The following BCORL1 variants were observed in gnomAD, a reference collection of about 807,000 sequenced individuals.
The protein encoded by BCORL1 is BCL6 corepressor like 1.
Under a neutral mutation model 87.6 loss-of-function variants are expected in BCORL1, and 7 were observed. That is an observed-to-expected ratio of 0.08 (90% CI 0.05 to 0.15). BCORL1 has a LOEUF of 0.15. BCORL1 is among the 10% of genes least tolerant of loss of function. The pLI is 1.00. For missense variants in BCORL1, 1,215 were observed against 1,499.7 expected, an observed-to-expected ratio of 0.81 and a Z score of 3.13; for synonymous variants, 591 against 634.4, an observed-to-expected ratio of 0.93 and a Z score of 1.03.
chrX:129,982,322 G>T (rs918455624), upstream of BCORL1, among the ~76,000 whole-genome samples: 2 of 111,273 alleles, frequency 1.8e-5, no homozygotes, highest in Non-Finnish European at 3.8e-5. Flanking sequence ...AATCCGCTCG[G>T]TCCTCTCAGC....
At chrX:129,980,649 G>T (rs1569351928), upstream of BCORL1, among the ~76,000 whole-genome samples, 1 of 111,793 alleles carries the variant, frequency 8.9e-6, no homozygotes, top group Non-Finnish European at 1.9e-5. Flanking sequence ...CAAGGGCGGG[G>T]TGGGTGGCCG....
chrX:130,032,731 TTCTATTTATTTATTTATTTATTTA>T (rs1228601158), intron 8 of BCORL1, among the ~76,000 whole-genome samples: 1 of 100,914 alleles, frequency 9.9e-6, no homozygotes, highest in African/African-American at 3.5e-5. Flanking sequence ...CGAGAATCTC[TTCTATTTATTTATTTATTTATTTA>T]TTTATTTATT....
chrX:130,042,306 G>C (rs1931382127), intron 11 of BCORL1, among the ~76,000 whole-genome samples: 1 of 110,583 alleles, frequency 9.0e-6, no homozygotes, highest in African/African-American at 3.3e-5. Context: ...TGTTGCCCAG[G>C]CTGGTCTGGA....
intron 9 of BCORL1, among the ~76,000 whole-genome samples, chrX:130,036,264 T>TC (rs1930934700): frequency 9.5e-6 from 1 of 105,710 alleles, no homozygotes; most frequent in African/African-American, 3.4e-5. Flanking sequence ...GGATTATCCT[T>TC]TTTTTTTTTT....
At chrX:130,012,869 G>A (rs1006596638) in intron 3 of BCORL1, 81 bp from the exon 4 acceptor site, 1 of 1,138,736 alleles carries the variant, frequency 8.8e-7, no homozygotes. Context: ...GAGAAGACCA[G>A]CAGTTGCCTC....
chrX:129,996,899 ATG>A (rs1927607587), intron 1 of BCORL1, among the ~76,000 whole-genome samples: 1 of 111,692 alleles, frequency 9.0e-6, no homozygotes, highest in East Asian at 2.8e-4. Context: ...GGTTATGGAC[ATG>A]AGCCCATGCC....
rs145654461 is a variant in BCORL1, at chrX:130,005,244, G to A, written c.13G>A (p.Ala5Thr). Reference sequence around the variant, plus strand: ...GTGAGTGGCTGTCATGATCTCTACAGCACCGCTCTACAGCGGCGTGCACAA... The same window carrying A: ...GTGAGTGGCTGTCATGATCTCTACAACACCGCTCTACAGCGGCGTGCACAA... MIST[A>T]PLYSGVHNWT... Residue 5 changes from alanine to threonine, a missense_variant, in exon 2 of 14, where the codon GCA (alanine) becomes ACA (threonine). Ala to Thr is a moderately conservative substitution (Grantham distance 58). Transcript: ENST00000540052. 2.5e-6 allele frequency: 3 copies of A among 1,209,840 alleles called. No individual in the cohort carries two copies. In the African/African-American group the frequency reaches 5.2e-5, roughly 21 times the overall value.
At position 130,025,176 on chromosome X, in the gene BCORL1, G is replaced by A. The variant is rs375086367; in HGVS notation, c.3875G>A (p.Arg1292Gln). ...AQDKSLLSQG[R>Q]RHLWRAREMP... is the part of the protein sequence containing the mutation. ...GACAAGTCTCTGCTGAGCCAGGGCC[G>A]AAGGCACCTGTGGCGAGCCCGAGAA... The change falls in exon 7 of 14, where the codon CGA becomes CAA. Residue 1292 changes from arginine to glutamine, a missense_variant. This residue lies in a region of BCORL1 where 166 missense variants were observed against 196.5 expected (regional missense o/e 0.84). Coordinates refer to ENST00000540052, the MANE Select transcript of BCORL1 (RefSeq NM_001379451.1). 9.2e-5 allele frequency: 111 copies of A among 1,210,230 alleles called. 2 individuals are homozygous for A. Among genetic ancestry groups the A allele is most frequent in the Middle Eastern group, 6.9e-4 (3 of 4,368 alleles).
At chrX:130,010,490 T>G (rs1928859879) in intron 2 of BCORL1, 1 of 109,709 alleles carries the variant, frequency 9.1e-6, no homozygotes, top group Non-Finnish European at 1.9e-5. Flanking sequence ...TACAGTCATT[T>G]CTGTTTGTCA....
chrX:129,989,302 ATT>A (rs34124916), intron 1 of BCORL1, among the ~76,000 whole-genome samples: 7 of 71,717 alleles, frequency 9.8e-5, no homozygotes, highest in Middle Eastern at 7.1e-3. Flanking sequence ...TGCCCGGCTA[ATT>A]TTTTTTTTTT....
In BCORL1 at chrX:130,015,372, C is replaced by G; in HGVS notation, c.2600C>G (p.Ser867Trp). The change falls in exon 4 of 14, where the codon TCG becomes TGG. Residue 867 changes from serine to tryptophan, a missense_variant. Ser to Trp is a radical substitution (Grantham distance 177). Around this residue, in one of 5 missense-constraint regions of BCORL1, gnomAD observed 861 missense variants for 1,010.0 expected, o/e 0.85. Coordinates refer to ENST00000540052, the MANE Select transcript of BCORL1 (RefSeq NM_001379451.1). ...CCCATCAGGCCCACCAGCGTTGTTT[C>G]GGAGTTTTCTGGTGTGCCATCTCTC... ...GAPIRPTSVVSEFSGVPSLSS... is the reference protein window; with the variant it reads ...GAPIRPTSVVWEFSGVPSLSS... 1 of 1,212,079 alleles carries G rather than the reference C, an allele frequency of 8.3e-7. No homozygotes were observed. Among genetic ancestry groups the G allele is most frequent in the East Asian group, 3.0e-5 (1 of 33,857 alleles).
At chrX:130,053,566 G>A (rs758956902) in intron 13 of BCORL1, among the ~76,000 whole-genome samples, 15 of 112,132 alleles carry the variant, frequency 1.3e-4, no homozygotes, top group Admixed American at 1.2e-3. Context: ...CACGGGCCAC[G>A]GAGGGCTGCG....
chrX:130,008,477 G>T (rs1011726614), intron 2 of BCORL1, among the ~76,000 whole-genome samples: 2 of 110,347 alleles, frequency 1.8e-5, no homozygotes, highest in Non-Finnish European at 3.8e-5. Flanking sequence ...TGGTCATGCT[G>T]GTCTCGAACT....
At chrX:130,035,263 G>T (rs375428650) in intron 9 of BCORL1, among the ~76,000 whole-genome samples, 1 of 112,016 alleles carries the variant, frequency 8.9e-6, no homozygotes, top group South Asian at 3.7e-4. Flanking sequence ...TGAGAAAATC[G>T]AGGCTTTGCA....
At position 129,990,889 on chromosome X, in the gene BCORL1, T is replaced by C. The variant is rs1478762893; in HGVS notation, c.-45+8127T>C. 2.7e-5 allele frequency among the ~76,000 whole-genome samples: 3 copies of C among 111,652 alleles called. No homozygotes were observed. The East Asian group carries it at 8.4e-4, about 31-fold the overall frequency. ...GACATTTTTAAAAACCATTGCTTTC[T>C]GAAAAGGGCTGTTGTGTTTATTTAA... On this transcript the variant is annotated intron_variant, in intron 1 of 13. Transcript: ENST00000540052.
intron 1 of BCORL1, among the ~76,000 whole-genome samples, chrX:129,985,555 C>T (rs1269908207): frequency 1.8e-5 from 2 of 111,707 alleles, no homozygotes; most frequent in South Asian, 3.7e-4. Context: ...TGTAAAATTT[C>T]GATGGAGGCG....
At chrX:130,006,842 T>C (rs1928552008) in intron 2 of BCORL1, among the ~76,000 whole-genome samples, 1 of 111,729 alleles carries the variant, frequency 9.0e-6, no homozygotes, top group South Asian at 3.7e-4. Context: ...AGTGCTGGGA[T>C]TACAGGTGTG....
At chrX:130,053,772 C>T (rs1371347687) in intron 13 of BCORL1, among the ~76,000 whole-genome samples, 3 of 112,147 alleles carry the variant, frequency 2.7e-5, no homozygotes, top group East Asian at 2.8e-4. Context: ...GCCTCTGAGG[C>T]CCTATGGGGT....
At chrX:130,000,938 G>A (rs1927997942) in intron 1 of BCORL1, among the ~76,000 whole-genome samples, 1 of 109,207 alleles carries the variant, frequency 9.2e-6, no homozygotes, top group South Asian at 4.0e-4. Context: ...GTCGGGGGGT[G>A]GCTGTTGATT....
Sources: allele counts gnomAD v4.1 joint callset (sites outside exome capture counted in the v4.1 genomes callset), GRCh38; gene constraint gnomAD v4.1.1; regional missense constraint gnomAD v4.1.1; transcripts MANE v1.5; gene names NCBI Gene and HGNC (gene_info 2026-07-23, HGNC 2026-07-21).